KIF1B: variants seen among roughly 807,000 people sequenced by gnomAD.
The protein encoded by KIF1B is kinesin-like protein KIF1B.
Under a neutral mutation model 241.9 loss-of-function variants are expected in KIF1B, and 76 were observed. That is an observed-to-expected ratio of 0.31 (90% CI 0.26 to 0.38). The LOEUF is 0.38. Among genes scored for constraint, KIF1B ranks in the 10% least tolerant of loss-of-function variants. KIF1B has a pLI of 1.00. For synonymous variants in KIF1B, 750 were observed against 796.7 expected (o/e 0.94, Z 0.99); for missense variants, 1,622 against 2,271.4 (o/e 0.71, Z 5.81).
chr1:10,308,087 C>T (rs200180628), intron 22 of KIF1B: 58 of 1,060,236 alleles, frequency 5.5e-5, no homozygotes, highest in East Asian at 1.0e-4. Context: ...GTTTTACTAC[C>T]GGAAGTTACA....
At chr1:10,345,790 T>G in intron 34 of KIF1B, 55 bp from the exon 35 acceptor site, 1 of 1,295,620 alleles carries the variant, frequency 7.7e-7, no homozygotes, top group Non-Finnish European at 1.1e-6. Context: ...GAAGCTTGTA[T>G]TTTTGCTGAG....
At chr1:10,367,908 T>C (rs1220967156) in intron 43 of KIF1B, among the ~76,000 whole-genome samples, 1 of 151,956 alleles carries the variant, frequency 6.6e-6, no homozygotes, top group Non-Finnish European at 1.5e-5. Context: ...TTCTTATTTT[T>C]AGTAGTGATG....
Position 10,315,574 on chromosome 1 carries a change from G to A in KIF1B, c.2116-4469G>A, listed in dbSNP as rs570733214. ...CATGTACAGTCCATTTTCAAATTTC[G>A]TTAATTAAATCAAAAATTAGGAAAG... On this transcript the variant is annotated intron_variant, in intron 22 of 48. Transcript: ENST00000676179. 1.1e-4 allele frequency among the ~76,000 whole-genome samples: 17 copies of A among 151,364 alleles called. No individual in the cohort carries two copies. The East Asian group carries it at 2.1e-3, about 19-fold the overall frequency.
intron 1 of KIF1B, among the ~76,000 whole-genome samples, chr1:10,218,199 C>T (rs2102094097): frequency 6.6e-6 from 1 of 152,270 alleles, no homozygotes; most frequent in South Asian, 2.1e-4. Context: ...CCCTCCTGCC[C>T]CCCACTTCAT....
At chr1:10,251,940 A>G (rs1647474212) in intron 2 of KIF1B, among the ~76,000 whole-genome samples, 2 of 152,176 alleles carry the variant, frequency 1.3e-5, no homozygotes, top group Non-Finnish European at 2.9e-5. Flanking sequence ...GACTCACACA[A>G]TATGACACTT....
At chr1:10,343,115 C>T (rs968520555) in intron 33 of KIF1B, 117 bp from the exon 34 acceptor site, 2 of 1,021,588 alleles carry the variant, frequency 2.0e-6, no homozygotes, top group African/African-American at 3.2e-5. Context: ...CATTCTCACT[C>T]CTACTTGTGA....
intron 2 of KIF1B, among the ~76,000 whole-genome samples, chr1:10,246,512 G>A (rs912296091): frequency 6.6e-6 from 1 of 152,170 alleles, no homozygotes; most frequent in African/African-American, 2.4e-5. Flanking sequence ...TTGGGAGGCC[G>A]AGGTGGGCGG....
rs1646889991 is a variant in KIF1B, at chr1:10,224,806, AC to A, written c.-79-7443del. 5.9e-5 allele frequency among the ~76,000 whole-genome samples: 9 copies of A among 152,278 alleles called. No individual in the cohort carries two copies. In the South Asian group the frequency reaches 1.9e-3, roughly 32 times the overall value. On this transcript the variant is annotated intron_variant, in intron 1 of 48. Transcript: ENST00000676179. Reference sequence around the variant, plus strand: ...AATAGGAATTCAACCAAAAAAAATAACTATTGTATTCAAGACCCATCCTGTG... The same window carrying A: ...AATAGGAATTCAACCAAAAAAAATAATATTGTATTCAAGACCCATCCTGTG...
At chr1:10,370,584 T>TAAG (rs201667068) in intron 44 of KIF1B, among the ~76,000 whole-genome samples, 118 of 134,974 alleles carry the variant, frequency 8.7e-4, no homozygotes, top group East Asian at 6.2e-3. Context: ...ATAATAATAA[T>TAAG]AATAATAATA....
intron 22 of KIF1B, among the ~76,000 whole-genome samples, chr1:10,318,700 T>C (rs1178476939): frequency 2.6e-5 from 4 of 152,050 alleles, no homozygotes; most frequent in Non-Finnish European, 5.9e-5. Flanking sequence ...GCCTGGACAA[T>C]AATAGAGTGA....
intron 36 of KIF1B, 37 bp from the exon 37 acceptor site, chr1:10,348,612 T>C: frequency 1.8e-5 from 27 of 1,500,996 alleles, no homozygotes; most frequent in Non-Finnish European, 2.1e-5. Flanking sequence ...GATAATAGAT[T>C]GCTTCAGCTA....
intron 2 of KIF1B, among the ~76,000 whole-genome samples, chr1:10,235,862 C>CAAAAAAAAA (rs70997211): frequency 2.8e-5 from 2 of 70,380 alleles, no homozygotes; most frequent in Non-Finnish European, 5.4e-5. Context: ...AACACTGTCT[C>CAAAAAAAAA]AAAAAAAAAA....
Position 10,376,735 on chromosome 1 carries a change from C to A in KIF1B, c.*148C>A. On this transcript the variant is annotated 3_prime_UTR_variant, in exon 49 of 49. Transcript: ENST00000676179. ...CCTTGTCCAGCACTTTTCTAGCTCT[C>A]CCGTTCCCCATCTCCATTGCTCTGT... 1.3e-6 allele frequency: 1 copy of A among 794,458 alleles called. No individual in the cohort carries two copies. The highest frequency in any genetic ancestry group is 2.2e-6 in the Non-Finnish European group (1 of 457,956). The allele number at this position is 794,458 out of a possible 1,614,324, so 49.2% of individuals were successfully genotyped here. A position where few individuals can be genotyped will look rare whatever the true frequency, so the allele number is the denominator to read the frequency against.
In KIF1B at chr1:10,326,240, T is replaced by C; in HGVS notation, c.2805T>C (p.Asp935=). The change falls in exon 27 of 49, where the codon GAT becomes GAC. Residue 935 remains aspartate (D), a synonymous_variant. Coordinates refer to ENST00000676179, the MANE Select transcript of KIF1B (RefSeq NM_001365951.3). The surrounding 1 kb of genome is among the most constrained non-coding windows in gnomAD (Gnocchi z 5.2). ...DEQQDEMEDF[D]DEAFVDDAGS... ...AGCAAGATGAGATGGAGGATTTTGA[T>C]GATGAGGCATTCGTGGATGACGCCG... The C allele has an allele frequency of 1.2e-6, 2 of 1,614,180 alleles. No homozygotes were observed. Among genetic ancestry groups the C allele is most frequent in the Non-Finnish European group, 1.7e-6 (2 of 1,180,034 alleles).
chr1:10,247,237 A>G (rs4529713), intron 2 of KIF1B, among the ~76,000 whole-genome samples: 52,729 of 152,054 alleles, frequency 0.35, 9,279 homozygotes, highest in Middle Eastern at 0.39. Flanking sequence ...GCCTCTGGCT[A>G]GCTATCTGAT....
chr1:10,364,453 C>G (rs1400549432), intron 41 of KIF1B, among the ~76,000 whole-genome samples: 1 of 151,866 alleles, frequency 6.6e-6, no homozygotes, highest in Non-Finnish European at 1.5e-5. Context: ...GATAGCCCAC[C>G]TCAGCCTCCC....
intron 10 of KIF1B, chr1:10,274,909 T>C: frequency 2.5e-6 from 1 of 397,994 alleles, no homozygotes; most frequent in Non-Finnish European, 4.9e-6. Context: ...ACCTTTTCCT[T>C]CACAGTAAGA....
At chr1:10,316,055 CAAAAA>C (rs1308346575) in intron 22 of KIF1B, among the ~76,000 whole-genome samples, 1 of 25,818 alleles carries the variant, frequency 3.9e-5, no homozygotes, top group African/African-American at 1.5e-4. Flanking sequence ...AACTCCATCT[CAAAAA>C]AAAAAAAAAA....
At chr1:10,265,353 G>A (rs1648398969) in intron 5 of KIF1B, among the ~76,000 whole-genome samples, 1 of 151,920 alleles carries the variant, frequency 6.6e-6, no homozygotes, top group South Asian at 2.1e-4. Flanking sequence ...TCCCACCTCA[G>A]CCTCCCGAGT....
Sources: allele counts gnomAD v4.1 joint callset (sites outside exome capture counted in the v4.1 genomes callset), GRCh38; gene constraint gnomAD v4.1.1; non-coding constraint Gnocchi (gnomAD v3.1); transcripts MANE v1.5; gene names NCBI Gene and HGNC (gene_info 2026-07-23, HGNC 2026-07-21).